RCC2: variants seen among roughly 807,000 people sequenced by gnomAD.
RCC2 encodes the protein protein RCC2.
Under a neutral mutation model 64.1 loss-of-function variants are expected in RCC2, and 19 were observed. The ratio of observed to expected loss-of-function variants is 0.30; its 90% CI spans 0.21 to 0.44. RCC2 has a LOEUF of 0.44. Ranked by LOEUF, RCC2 falls within the 20% of genes least tolerant of loss-of-function variation. The pLI is 1.00. For synonymous variants in RCC2, 325 were observed against 279.6 expected, an observed-to-expected ratio of 1.16 and a Z score of -1.62; for missense variants, 508 against 710.4, an observed-to-expected ratio of 0.72 and a Z score of 3.24.
chr1:17,419,067 T>C (rs2075522283), intron 7 of RCC2, among the ~76,000 whole-genome samples: 1 of 152,022 alleles, frequency 6.6e-6, no homozygotes, highest in Non-Finnish European at 1.5e-5. Context: ...TAAAGTTAAA[T>C]GGCATGGCTG....
chr1:17,420,894 C>A, intron 6 of RCC2, 66 bp from the exon 7 acceptor site: 1 of 1,031,444 alleles, frequency 9.7e-7, no homozygotes, highest in South Asian at 1.5e-5. Flanking sequence ...TACCTCTCTG[C>A]ATGTTGGTGG....
chr1:17,432,554 C>T (rs917818633), intron 2 of RCC2, among the ~76,000 whole-genome samples: 1 of 152,196 alleles, frequency 6.6e-6, no homozygotes, highest in African/African-American at 2.4e-5. Flanking sequence ...GTCAAACCAC[C>T]CTACACTGAG....
At chr1:17,439,134 G>A (rs1024162469) in intron 1 of RCC2, among the ~76,000 whole-genome samples, 2 of 152,166 alleles carry the variant, frequency 1.3e-5, no homozygotes, top group African/African-American at 4.8e-5. Context: ...CCCGGCGACG[G>A]GGGAAGAGCC....
At chr1:17,416,454 A>G in intron 8 of RCC2, 26 bp downstream of exon 8, 2 of 1,594,520 alleles carry the variant, frequency 1.3e-6, no homozygotes, top group South Asian at 2.2e-5. Context: ...TGCGACTCTC[A>G]GGAAGTGAGA....
At chr1:17,425,269 C>A (rs2075601190) in intron 4 of RCC2, among the ~76,000 whole-genome samples, 1 of 152,008 alleles carries the variant, frequency 6.6e-6, no homozygotes, top group Non-Finnish European at 1.5e-5. Context: ...AAGCTTCGGG[C>A]AGAAGATTCA....
At chr1:17,427,960 G>C (rs2075635702) in intron 3 of RCC2, among the ~76,000 whole-genome samples, 2 of 152,138 alleles carry the variant, frequency 1.3e-5, no homozygotes, top group South Asian at 4.1e-4. Context: ...CTACTGTGTG[G>C]CTTGCTGTGG....
At position 17,425,593 on chromosome 1, in the gene RCC2, C is replaced by A. The variant is rs138769299; in HGVS notation, c.471G>T (p.Ser157=). 14 of 1,614,064 alleles carry A rather than the reference C, an allele frequency of 8.7e-6. No homozygotes were observed. In the East Asian group the frequency reaches 2.7e-4, roughly 31 times the overall value. ...GVRVRTVVSG[S]CAAHSLLITT... ...TGATGAGGAGGCTGTGTGCAGCACACGAGCCCGAGACCACTGTCCGCACCC... is the reference window on the plus strand; with the variant it reads ...TGATGAGGAGGCTGTGTGCAGCACAAGAGCCCGAGACCACTGTCCGCACCC... The change falls in exon 4 of 13, where the codon TCG becomes TCT. Residue 157 remains serine (S), a synonymous_variant. Transcript: ENST00000375436.
intron 2 of RCC2, among the ~76,000 whole-genome samples, chr1:17,430,988 T>C (rs2100388722): frequency 6.6e-6 from 1 of 151,580 alleles, no homozygotes; most frequent in Middle Eastern, 3.4e-3. Flanking sequence ...AAAGTGCCGA[T>C]AAAATGCCAA....
intron 6 of RCC2, 130 bp downstream of exon 6, chr1:17,422,073 T>C (rs748778566): frequency 1.6e-6 from 1 of 610,396 alleles, no homozygotes; most frequent in Non-Finnish European, 2.8e-6. Flanking sequence ...CTCTACAGCA[T>C]GTAACTAAAC....
chr1:17,430,410 G>C (rs1035423706), intron 2 of RCC2, among the ~76,000 whole-genome samples: 3 of 151,068 alleles, frequency 2.0e-5, no homozygotes, highest in African/African-American at 7.3e-5. Context: ...AGGATTGCTT[G>C]AGCTGAGGAG....
intron 12 of RCC2, among the ~76,000 whole-genome samples, chr1:17,409,594 C>T (rs143742519): frequency 8.7e-4 from 132 of 152,354 alleles, no homozygotes; most frequent in Non-Finnish European, 1.5e-3. Flanking sequence ...GCAGGGGCCT[C>T]ACCCCGCCAT....
At position 17,438,367 on chromosome 1, in the gene RCC2, T is replaced by TGCC. The variant is rs1399593075; in HGVS notation, c.145_147dup (p.Gly49dup). 1.9e-5 allele frequency: 24 copies of TGCC among 1,242,320 alleles called. No individual in the cohort carries two copies. The highest frequency in any genetic ancestry group is 1.4e-4 in the South Asian group (4 of 29,262). The allele number at this position is 1,242,320 out of a possible 1,614,324, so 77.0% of individuals were successfully genotyped here. Reference sequence around the variant, plus strand: ...TCCAGGCCGTCCTCGTCGCCGCTGCTGCCGCCGCCGCTGCTGCTACTGCAG... The same window carrying TGCC: ...TCCAGGCCGTCCTCGTCGCCGCTGCTGCCGCCGCCGCCGCTGCTGCTACTGCAG... On this transcript the variant is annotated inframe_insertion, in exon 2 of 13. Transcript: ENST00000375436.
intron 10 of RCC2, among the ~76,000 whole-genome samples, 187 bp from the exon 11 acceptor site, chr1:17,412,381 C>G (rs1041757968): frequency 6.6e-6 from 1 of 152,232 alleles, no homozygotes; most frequent in Non-Finnish European, 1.5e-5. Flanking sequence ...GGCCACTCAA[C>G]GCTTCAACAA....
In RCC2 at chr1:17,438,522, G is replaced by A. The variant is rs770909150; in HGVS notation, c.-8C>T. On this transcript the variant is annotated splice_region_variant and 5_prime_UTR_variant, in exon 2 of 13. Coordinates refer to ENST00000375436, the MANE Select transcript of RCC2 (RefSeq NM_018715.4). ...CGCCTTCTTCCTGGGCATGGTCGCG[G>A]CTGGAGGGAGACACGGGGCAGCGGC... The A allele has an allele frequency of 7.5e-7, 1 of 1,333,358 alleles. No individual in the cohort carries two copies. The highest frequency in any genetic ancestry group is 9.6e-7 in the Non-Finnish European group (1 of 1,043,520). The allele number at this position is 1,333,358 out of a possible 1,614,324, so 82.6% of individuals were successfully genotyped here. A position where few individuals can be genotyped will look rare whatever the true frequency, so the allele number is the denominator to read the frequency against.
intron 2 of RCC2, among the ~76,000 whole-genome samples, chr1:17,433,437 G>T (rs1204243626): frequency 6.6e-6 from 1 of 152,250 alleles, no homozygotes; most frequent in Non-Finnish European, 1.5e-5. Context: ...GCAGGGCGGG[G>T]GTGCCAGTGG....
chr1:17,432,721 C>A (rs924998865), intron 2 of RCC2, among the ~76,000 whole-genome samples: 1 of 152,234 alleles, frequency 6.6e-6, no homozygotes, highest in African/African-American at 2.4e-5. Context: ...GTGACCTGGA[C>A]ATTTGGTCAA....
chr1:17,421,300 T>C (rs2075553323), intron 6 of RCC2, among the ~76,000 whole-genome samples: 1 of 151,906 alleles, frequency 6.6e-6, no homozygotes, highest in Admixed American at 6.6e-5. Context: ...ATGGAGACCA[T>C]CCTGGCCAAC....
intron 4 of RCC2, 124 bp from the exon 5 acceptor site, chr1:17,422,960 T>G: frequency 3.2e-6 from 3 of 947,978 alleles, no homozygotes; most frequent in African/African-American, 4.7e-5. Context: ...ACCCTCCAAA[T>G]TCCCAACAGC....
At chr1:17,426,759 CTT>C (rs146347066) in intron 3 of RCC2, among the ~76,000 whole-genome samples, 8,504 of 106,706 alleles carry the variant, frequency 0.08, 135 homozygotes, top group East Asian at 0.2. Flanking sequence ...TCTTACTTTT[CTT>C]TTTTTTTTTT....
Sources: allele counts gnomAD v4.1 joint callset (sites outside exome capture counted in the v4.1 genomes callset), GRCh38; gene constraint gnomAD v4.1.1; transcripts MANE v1.5; gene names NCBI Gene and HGNC (gene_info 2026-07-23, HGNC 2026-07-21).